The following FHIT variants were observed in gnomAD, a reference collection of about 807,000 sequenced individuals.
FHIT encodes fragile histidine triad diadenosine triphosphatase.
A neutral mutation model predicts 17.9 loss-of-function variants in FHIT; 19 were observed. The observed-to-expected ratio is 1.06, with a 90% CI of 0.74 to 1.56. The LOEUF is 1.56. Among genes scored for constraint, FHIT ranks in the 40% most tolerant of loss-of-function variants. The pLI, the probability that FHIT is intolerant of heterozygous loss-of-function variation, is 0.00. For synonymous variants in FHIT, 81 were observed against 69.7 expected (o/e 1.16, Z -0.81); for missense variants, 248 against 189.2 (o/e 1.31, Z -1.82).
At chr3:60,051,344 G>GT (rs1701870834) in intron 5 of FHIT, among the ~76,000 whole-genome samples, 1 of 51,732 alleles carries the variant, frequency 1.9e-5, no homozygotes, top group African/African-American at 6.7e-5. Flanking sequence ...TTTTTTTTTT[G>GT]TAACAGCAGC....
At chr3:60,110,888 C>T (rs1704640398) in intron 5 of FHIT, among the ~76,000 whole-genome samples, 1 of 151,994 alleles carries the variant, frequency 6.6e-6, no homozygotes, top group African/African-American at 2.4e-5. Context: ...TCTTCTATTC[C>T]ATATATATCA....
chr3:60,454,162 A>G (rs1303261379), intron 5 of FHIT, among the ~76,000 whole-genome samples: 1 of 152,100 alleles, frequency 6.6e-6, no homozygotes, highest in East Asian at 1.9e-4. Flanking sequence ...TGTTACAGTT[A>G]TGTCTTCAGT....
chr3:60,385,503 C>T (rs1424285595), intron 5 of FHIT, among the ~76,000 whole-genome samples: 1 of 152,144 alleles, frequency 6.6e-6, no homozygotes, highest in Admixed American at 6.6e-5. Context: ...CAACTTTGAA[C>T]AATCTTATAA....
intron 2 of FHIT, among the ~76,000 whole-genome samples, chr3:61,116,833 C>T (rs937143219): frequency 4.6e-5 from 7 of 152,024 alleles, no homozygotes; most frequent in Non-Finnish European, 8.8e-5. Context: ...TAATCAAGAA[C>T]AATACTGAAA....
intron 3 of FHIT, among the ~76,000 whole-genome samples, chr3:60,889,235 G>A (rs373782876): frequency 8.5e-5 from 13 of 152,144 alleles, no homozygotes; most frequent in South Asian, 4.2e-4. Context: ...TTTCGCCTGC[G>A]TGGTCTAATC....
intron 4 of FHIT, among the ~76,000 whole-genome samples, chr3:60,578,643 G>C (rs145633611): frequency 9.5e-4 from 145 of 152,134 alleles, no homozygotes; most frequent in African/African-American, 3.3e-3. Flanking sequence ...GACATTTAAA[G>C]AATAATTTAA....
intron 5 of FHIT, among the ~76,000 whole-genome samples, chr3:60,120,668 T>C (rs1705206875): frequency 6.6e-6 from 1 of 152,210 alleles, no homozygotes; most frequent in Non-Finnish European, 1.5e-5. Flanking sequence ...GAACAGCCTA[T>C]TTTAAAATAT....
At chr3:60,226,493 A>AAAAAAAAAAACAAAAAAC (rs200934161) in intron 5 of FHIT, among the ~76,000 whole-genome samples, 2 of 147,058 alleles carry the variant, frequency 1.4e-5, no homozygotes, top group African/African-American at 2.7e-5. Context: ...AAAAAAAAAA[A>AAAAAAAAAAACAAAAAAC]ACACTGCCTG....
At chr3:60,656,895 T>C (rs1413136358) in intron 4 of FHIT, among the ~76,000 whole-genome samples, 1 of 152,138 alleles carries the variant, frequency 6.6e-6, no homozygotes, top group Non-Finnish European at 1.5e-5. Flanking sequence ...TTTTCTTCTA[T>C]TGAGATTGAA....
At chr3:60,423,222 A>T (rs890362410) in intron 5 of FHIT, among the ~76,000 whole-genome samples, 1 of 152,118 alleles carries the variant, frequency 6.6e-6, no homozygotes. Flanking sequence ...TAGATGGTAG[A>T]GTAGAGAGAC....
At chr3:60,657,608 T>G (rs1252621727) in intron 4 of FHIT, among the ~76,000 whole-genome samples, 2 of 152,034 alleles carry the variant, frequency 1.3e-5, no homozygotes, top group Non-Finnish European at 2.9e-5. Flanking sequence ...TGACCAAGAG[T>G]CTCTCCTTGA....
intron 5 of FHIT, among the ~76,000 whole-genome samples, chr3:60,193,333 G>A (rs1270479296): frequency 1.3e-5 from 2 of 152,196 alleles, no homozygotes; most frequent in Non-Finnish European, 2.9e-5. Context: ...GCATGTAAGA[G>A]CCAGTGTTCA....
chr3:60,668,734 T>G (rs1387127645), intron 4 of FHIT, among the ~76,000 whole-genome samples: 24 of 151,928 alleles, frequency 1.6e-4, no homozygotes, highest in Admixed American at 1.4e-3. Flanking sequence ...GCTAATTTTG[T>G]TTTTGTATTT....
chr3:59,888,343 G>C (rs1218907903), intron 8 of FHIT, among the ~76,000 whole-genome samples: 1 of 152,124 alleles, frequency 6.6e-6, no homozygotes, highest in Non-Finnish European at 1.5e-5. Flanking sequence ...TTCTAATAAG[G>C]AGAAAAGTGT....
chr3:59,893,964 G>C (rs1485141027), intron 8 of FHIT, among the ~76,000 whole-genome samples: 1 of 152,220 alleles, frequency 6.6e-6, no homozygotes, highest in African/African-American at 2.4e-5. Flanking sequence ...TTGGCATAGA[G>C]ATTAAGAACA....
At chr3:59,986,145 C>A (rs1423426131) in intron 7 of FHIT, among the ~76,000 whole-genome samples, 1 of 151,954 alleles carries the variant, frequency 6.6e-6, no homozygotes, top group Non-Finnish European at 1.5e-5. Flanking sequence ...TGGCTGCTCA[C>A]CCTGAAACTG....
At chr3:60,149,686 C>G (rs1310900198) in intron 5 of FHIT, among the ~76,000 whole-genome samples, 1 of 152,062 alleles carries the variant, frequency 6.6e-6, no homozygotes, top group East Asian at 1.9e-4. Context: ...ATCTCCTCCT[C>G]TCAGTCTATA....
intron 5 of FHIT, among the ~76,000 whole-genome samples, chr3:60,128,087 C>G (rs536868493): frequency 6.6e-6 from 1 of 152,256 alleles, no homozygotes; most frequent in South Asian, 2.1e-4. Flanking sequence ...AGTGTTGAAA[C>G]AACATTGAGT....
intron 5 of FHIT, among the ~76,000 whole-genome samples, chr3:60,522,322 G>A (rs1369584505): frequency 6.6e-6 from 1 of 152,112 alleles, no homozygotes; most frequent in Non-Finnish European, 1.5e-5. Flanking sequence ...TGTTGGCCAG[G>A]CTGGTTTCGA....
Sources: gnomAD v4.1 joint callset for allele counts (sites outside exome capture counted in the v4.1 genomes callset) on GRCh38, gnomAD v4.1.1 for gene constraint, MANE v1.5 for transcripts, NCBI Gene and HGNC (gene_info 2026-07-23, HGNC 2026-07-21) for gene names.